CMTR1: variants seen among roughly 807,000 people sequenced by gnomAD.
The protein encoded by CMTR1 is cap methyltransferase 1.
A neutral mutation model predicts 107.0 loss-of-function variants in CMTR1; 39 were observed. The observed-to-expected ratio is 0.36, with a 90% CI of 0.28 to 0.48. CMTR1 has a LOEUF of 0.48. Among genes scored for constraint, CMTR1 ranks in the 20% least tolerant of loss-of-function variants. The probability of loss-of-function intolerance (pLI) is 0.99; values close to 1 mark genes in which losing one functional copy is unlikely to be tolerated. For missense variants in CMTR1, 672 were observed against 1,064.9 expected, an observed-to-expected ratio of 0.63 and a Z score of 5.14; for synonymous variants, 366 against 379.5, an observed-to-expected ratio of 0.96 and a Z score of 0.41.
chr6:37,450,404 G>A, intron 5 of CMTR1, 61 bp downstream of exon 5: 20 of 1,270,170 alleles, frequency 1.6e-5, no homozygotes, highest in Middle Eastern at 1.8e-4. Flanking sequence ...TCACTTGCTC[G>A]AGTCTGGTAT....
chr6:37,468,055 G>C (rs546770420), intron 13 of CMTR1, among the ~76,000 whole-genome samples: 3 of 93,266 alleles, frequency 3.2e-5, no homozygotes, highest in Non-Finnish European at 7.2e-5. Flanking sequence ...TCTGTTTTGT[G>C]GGGGGGGGGA....
intron 17 of CMTR1, among the ~76,000 whole-genome samples, chr6:37,474,237 G>A (rs1394876644): frequency 6.6e-6 from 1 of 152,208 alleles, no homozygotes; most frequent in East Asian, 1.9e-4. Flanking sequence ...ATACGAAACT[G>A]GATCTTTTTT....
At position 37,471,868 on chromosome 6, in the gene CMTR1, G is replaced by C. The variant is rs1249645471; in HGVS notation, c.1584G>C (p.Gln528His). 6.2e-7 allele frequency: 1 copy of C among 1,613,892 alleles called. No homozygotes were observed. The highest frequency in any genetic ancestry group is 1.7e-5 in the Admixed American group (1 of 60,012). Residue 528 changes from glutamine to histidine, a missense_variant, in exon 15 of 24, where the codon CAG becomes CAC. Gln to His is a conservative substitution (Grantham distance 24). This residue lies in a region of CMTR1 where 583 missense variants were observed against 968.4 expected (regional missense o/e 0.60). Transcript: ENST00000373451. ...VQDTTLSEPR[Q>H]AEIRKECLRL... ...CCAGGACACTGAGTGAGCCTCGACA[G>C]GCAGAGATACGGAAGGAGTGCCTCC...
At chr6:37,474,718 GC>G in intron 18 of CMTR1, 72 bp downstream of exon 18, 1 of 1,586,102 alleles carries the variant, frequency 6.3e-7, no homozygotes, top group African/African-American at 1.3e-5. Context: ...CTGGCCTTTT[GC>G]CCTGAGTTAA....
chr6:37,471,864 G>T lies in CMTR1; in HGVS notation c.1580G>T (p.Arg527Leu), dbSNP rs1452405395. The T allele has an allele frequency of 2.5e-6, 4 of 1,613,836 alleles. No individual in the cohort carries two copies. Among genetic ancestry groups the T allele is most frequent in the Admixed American group, 1.7e-5 (1 of 60,010 alleles). The change falls in exon 15 of 24, where the codon CGA becomes CTA. Residue 527 changes from arginine (R) to leucine (L), a missense_variant. By Grantham distance (102) the Arg-to-Leu change is moderately radical. Coordinates refer to ENST00000373451, the MANE Select transcript of CMTR1 (RefSeq NM_015050.3). ...FVQDTTLSEP[R>L]QAEIRKECLR... ...ATTCCCAGGACACTGAGTGAGCCTC[G>T]ACAGGCAGAGATACGGAAGGAGTGC...
intron 1 of CMTR1, among the ~76,000 whole-genome samples, chr6:37,434,133 T>C (rs966593482): frequency 1.3e-5 from 2 of 152,144 alleles, no homozygotes; most frequent in Non-Finnish European, 2.9e-5. Flanking sequence ...CGGCTTAAAG[T>C]GAAATGTGGC....
chr6:37,438,669 G>A (rs1350412858), intron 2 of CMTR1, among the ~76,000 whole-genome samples: 1 of 152,178 alleles, frequency 6.6e-6, no homozygotes, highest in Non-Finnish European at 1.5e-5. Context: ...ACTGATAAAA[G>A]GCAACAATAG....
chr6:37,476,322 C>A (rs905143124), intron 20 of CMTR1, 128 bp downstream of exon 20: 10 of 958,954 alleles, frequency 1.0e-5, no homozygotes, highest in African/African-American at 9.7e-5. Flanking sequence ...ACCATTCTTG[C>A]CATGAAGTTT....
chr6:37,462,094 C>T lies in CMTR1; in HGVS notation c.1317C>T (p.Asn439=), dbSNP rs1452146596. 2 of 1,614,116 alleles carry T rather than the reference C, an allele frequency of 1.2e-6. No homozygotes were observed. Among genetic ancestry groups the T allele is most frequent in the South Asian group, 1.1e-5 (1 of 91,070 alleles). ...AGCCTATTACCAGCCGTCCTGCCAA[C>T]TCAGAGAGGTGAAGCCTTTCTCTCT... ...LFKPITSRPA[N]SERYVVCKGL... Residue 439 remains asparagine (N), a synonymous_variant, in exon 12 of 24, where the codon AAC becomes AAT. Transcript: ENST00000373451.
chr6:37,439,299 A>C (rs1771613758), intron 2 of CMTR1, among the ~76,000 whole-genome samples: 1 of 152,234 alleles, frequency 6.6e-6, no homozygotes, highest in African/African-American at 2.4e-5. Flanking sequence ...TGAAGTAAGG[A>C]GAGGCAGATG....
the CMTR1 span, among the ~76,000 whole-genome samples, chr6:37,425,359 C>T: frequency 1.4e-4 from 21 of 149,566 alleles, no homozygotes; most frequent in Non-Finnish European, 2.1e-4. Flanking sequence ...TGCAGTGGTG[C>T]GATCTCAGTC....
chr6:37,470,579 A>G (rs1761604027), intron 13 of CMTR1, among the ~76,000 whole-genome samples: 1 of 152,224 alleles, frequency 6.6e-6, no homozygotes, highest in Non-Finnish European at 1.5e-5. Flanking sequence ...GTCAATGGGT[A>G]GCATTTTCTT....
intron 13 of CMTR1, among the ~76,000 whole-genome samples, chr6:37,469,589 G>A (rs2989591): frequency 0.062 from 8,105 of 131,122 alleles, 785 homozygotes; most frequent in African/African-American, 0.21. Flanking sequence ...GTGCAATGGT[G>A]TGATCTCGGC....
In CMTR1 at chr6:37,453,033, G is replaced by C. The variant is rs1441292516; in HGVS notation, c.610-14G>C. ...ATCCTGGAATTCACCTTGAGGTTCT[G>C]ATTCTCTGGGCAGAGCGTGTTTGAT... On this transcript the variant is annotated splice_polypyrimidine_tract_variant and intron_variant, in intron 6 of 23. Transcript: ENST00000373451. The C allele has an allele frequency of 6.2e-7, 1 of 1,613,670 alleles. No homozygotes were observed. The highest frequency in any genetic ancestry group is 1.7e-5 in the Admixed American group (1 of 60,008).
rs1761857341 is a variant in CMTR1 at position 37,481,487 on chromosome 6, TTAAAGA to T, written c.*1347_*1352del. 9.0e-7 allele frequency: 1 copy of T among 1,113,122 alleles called. No homozygotes were observed. The highest frequency in any genetic ancestry group is 1.1e-6 in the Non-Finnish European group (1 of 904,746). The allele number at this position is 1,113,122 out of a possible 1,614,324, so 69.0% of individuals were successfully genotyped here. A position where few individuals can be genotyped will look rare whatever the true frequency, so the allele number is the denominator to read the frequency against. On this transcript the variant is annotated 3_prime_UTR_variant, in exon 24 of 24. Transcript: ENST00000373451. ...GTGTGTCTTGCAGAATCTTGGATCA[TTAAAGA>T]TAAACATATTTTTAATGCCTGTGTG... is the stretch of plus-strand genomic sequence containing the variant.
At chr6:37,441,109 A>T (rs995820914) in intron 2 of CMTR1, among the ~76,000 whole-genome samples, 4 of 152,198 alleles carry the variant, frequency 2.6e-5, no homozygotes, top group African/African-American at 9.7e-5. Flanking sequence ...GGAGCTGCCC[A>T]CATTCCTGGT....
chr6:37,444,415 T>TG (rs1771739185), intron 3 of CMTR1, among the ~76,000 whole-genome samples: 1 of 152,182 alleles, frequency 6.6e-6, no homozygotes, highest in Non-Finnish European at 1.5e-5. Flanking sequence ...TGAATTCTTA[T>TG]TACTAACATG....
chr6:37,437,254 C>T (rs1304518745), intron 2 of CMTR1, among the ~76,000 whole-genome samples: 4 of 149,876 alleles, frequency 2.7e-5, no homozygotes, highest in East Asian at 3.9e-4. Flanking sequence ...TGGCCAGGCG[C>T]GGTGGCTCAC....
intron 13 of CMTR1, among the ~76,000 whole-genome samples, chr6:37,464,227 A>G (rs1309205998): frequency 6.6e-6 from 1 of 152,116 alleles, no homozygotes; most frequent in African/African-American, 2.4e-5. Context: ...GCACTTTGGG[A>G]GGCTGAGGCA....
Sources: gnomAD v4.1 joint callset for allele counts (sites outside exome capture counted in the v4.1 genomes callset) on GRCh38, gnomAD v4.1.1 for gene constraint, gnomAD v4.1.1 regional missense constraint, MANE v1.5 for transcripts, NCBI Gene and HGNC (gene_info 2026-07-23, HGNC 2026-07-21) for gene names.